The following ATP8A2 variants were observed in gnomAD, a reference collection of about 807,000 sequenced individuals.
The protein encoded by ATP8A2 is ATPase phospholipid transporting 8A2.
A neutral mutation model predicts 165.6 loss-of-function variants in ATP8A2; 100 were observed. The observed-to-expected ratio is 0.60, with a 90% confidence interval of 0.51 to 0.71. The LOEUF is 0.71. Among genes scored for constraint, ATP8A2 ranks in the 30% least tolerant of loss-of-function variants. ATP8A2 has a pLI of 0.00. For synonymous variants in ATP8A2, 543 were observed against 548.8 expected (o/e 0.99, Z 0.15); for missense variants, 1,227 against 1,479.5 (o/e 0.83, Z 2.80).
intron 1 of ATP8A2, among the ~76,000 whole-genome samples, chr13:25,407,572 T>A (rs1380550024): frequency 6.6e-6 from 1 of 152,156 alleles, no homozygotes; most frequent in South Asian, 2.1e-4. Context: ...TCCCTCCATA[T>A]TGAGGCCTAG....
intron 35 of ATP8A2, among the ~76,000 whole-genome samples, chr13:26,000,856 C>G (rs1417739094): frequency 6.6e-6 from 1 of 152,084 alleles, no homozygotes; most frequent in African/African-American, 2.4e-5. Context: ...ATTCAATTTT[C>G]TTTCTCAAAA....
chr13:25,854,361 G>T (rs560965765), intron 30 of ATP8A2, among the ~76,000 whole-genome samples: 1 of 152,174 alleles, frequency 6.6e-6, no homozygotes, highest in Admixed American at 6.5e-5. Flanking sequence ...TAAGAGACAG[G>T]GTCTTGCTCT....
chr13:25,916,521 C>T (rs1425012913), intron 33 of ATP8A2, among the ~76,000 whole-genome samples: 1 of 152,190 alleles, frequency 6.6e-6, no homozygotes, highest in African/African-American at 2.4e-5. Flanking sequence ...CTGTCACCAG[C>T]CCGCTGCAGA....
chr13:25,879,672 A>G (rs1301511360), intron 33 of ATP8A2, among the ~76,000 whole-genome samples: 1 of 152,174 alleles, frequency 6.6e-6, no homozygotes, highest in Non-Finnish European at 1.5e-5. Flanking sequence ...CAGGTCTCCC[A>G]CTGTGCACCA....
At chr13:25,756,866 A>G (rs2044273401) in intron 25 of ATP8A2, among the ~76,000 whole-genome samples, 1 of 152,222 alleles carries the variant, frequency 6.6e-6, no homozygotes, top group Admixed American at 6.5e-5. Context: ...CTTAAGGAAC[A>G]TTAGAAATCC....
At chr13:25,828,497 G>C (rs1951376571) in intron 28 of ATP8A2, among the ~76,000 whole-genome samples, 2 of 152,146 alleles carry the variant, frequency 1.3e-5, no homozygotes, top group South Asian at 4.2e-4. Flanking sequence ...CGTGTTTTTA[G>C]CTCAAGTACA....
At chr13:25,455,977 G>A (rs923157238) in intron 1 of ATP8A2, among the ~76,000 whole-genome samples, 3 of 152,132 alleles carry the variant, frequency 2.0e-5, no homozygotes, top group Non-Finnish European at 2.9e-5. Context: ...AGCTAGGAAG[G>A]TCTTTCTTTC....
chr13:25,415,893 ATTGTAG>A (rs2034119027), intron 1 of ATP8A2, among the ~76,000 whole-genome samples: 1 of 152,028 alleles, frequency 6.6e-6, no homozygotes, highest in Admixed American at 6.5e-5. Flanking sequence ...GTAGAGGCCA[ATTGTAG>A]CTCCCTGCAG....
At chr13:25,511,189 T>C (rs945327718) in intron 2 of ATP8A2, among the ~76,000 whole-genome samples, 2 of 152,196 alleles carry the variant, frequency 1.3e-5, no homozygotes, top group Admixed American at 6.5e-5. Flanking sequence ...TCTTTTCTAG[T>C]ATAACTTGCT....
chr13:25,399,018 G>T (rs17082210), intron 1 of ATP8A2, among the ~76,000 whole-genome samples: 7,766 of 152,194 alleles, frequency 0.051, 387 homozygotes, highest in African/African-American at 0.13. Flanking sequence ...AAAATTTGTG[G>T]CAGTTTACAA....
intron 23 of ATP8A2, among the ~76,000 whole-genome samples, chr13:25,584,103 A>G (rs2039852947): frequency 6.6e-6 from 1 of 152,202 alleles, no homozygotes; most frequent in Non-Finnish European, 1.5e-5. Flanking sequence ...TGAGAGAGCT[A>G]TGTCTGAATT....
At chr13:25,627,184 G>A (rs1209212386) in intron 24 of ATP8A2, among the ~76,000 whole-genome samples, 1 of 152,082 alleles carries the variant, frequency 6.6e-6, no homozygotes, top group Non-Finnish European at 1.5e-5. Context: ...AGAGGAAATA[G>A]CAAATGCAAA....
intron 33 of ATP8A2, among the ~76,000 whole-genome samples, chr13:25,920,724 T>C (rs1954425187): frequency 6.6e-6 from 1 of 152,222 alleles, no homozygotes; most frequent in South Asian, 2.1e-4. Flanking sequence ...GACAGACTCC[T>C]TTTCCTAAAT....
chr13:25,434,390 G>C (rs942647146), intron 1 of ATP8A2, among the ~76,000 whole-genome samples: 1 of 151,124 alleles, frequency 6.6e-6, no homozygotes, highest in African/African-American at 2.4e-5. Context: ...TCTGTGTTGC[G>C]CAGGTTGGAG....
intron 24 of ATP8A2, among the ~76,000 whole-genome samples, chr13:25,672,649 G>A (rs2042292147): frequency 6.6e-6 from 1 of 152,070 alleles, no homozygotes; most frequent in African/African-American, 2.4e-5. Flanking sequence ...TATTCTGTCA[G>A]CGTTTCTGAA....
chr13:25,856,443 G>A (rs1952168275), intron 30 of ATP8A2, among the ~76,000 whole-genome samples: 1 of 152,140 alleles, frequency 6.6e-6, no homozygotes, highest in Admixed American at 6.6e-5. Context: ...TAGATACAAT[G>A]CACATTGTTC....
Position 25,589,618 on chromosome 13 carries a change from C to T in ATP8A2, c.2147-17C>T, listed in dbSNP as rs368156840. The T allele has an allele frequency of 1.4e-4, 230 of 1,595,932 alleles. No individual in the cohort carries two copies. Among genetic ancestry groups the T allele is most frequent in the Admixed American group, 2.9e-4 (17 of 59,554 alleles). ...AAGGAAAGAGAAATTCACATGTTGTCTCTTCCTCCACTTCAGGGTATTCCT... is the reference window on the plus strand; with the variant it reads ...AAGGAAAGAGAAATTCACATGTTGTTTCTTCCTCCACTTCAGGGTATTCCT... On this transcript the variant is annotated splice_polypyrimidine_tract_variant and intron_variant, in intron 23 of 36. Coordinates refer to ENST00000381655, the MANE Select transcript of ATP8A2 (RefSeq NM_016529.6).
At chr13:25,837,413 C>T (rs1426827708) in intron 29 of ATP8A2, 128 bp downstream of exon 29, 7 of 769,602 alleles carry the variant, frequency 9.1e-6, no homozygotes, top group Non-Finnish European at 1.4e-5. Context: ...ATGATCCACT[C>T]ACCCCACCAC....
intron 6 of ATP8A2, among the ~76,000 whole-genome samples, chr13:25,536,442 C>G (rs1158662190): frequency 2.6e-5 from 4 of 152,152 alleles, no homozygotes; most frequent in African/African-American, 9.7e-5. Flanking sequence ...TTAAAAAACA[C>G]TTTCAATTGA....
Sources: allele counts gnomAD v4.1 joint callset (sites outside exome capture counted in the v4.1 genomes callset), GRCh38; gene constraint gnomAD v4.1.1; transcripts MANE v1.5; gene names NCBI Gene and HGNC (gene_info 2026-07-23, HGNC 2026-07-21).